EDIL3: variants seen among roughly 807,000 people sequenced by gnomAD.
The protein encoded by EDIL3 is EGF like and discoidin domains 3, also known as EGF-like repeat and discoidin I-like domain-containing protein 3.
EDIL3 carries 37 observed loss-of-function variants against 67.4 expected under a neutral mutation model. That is an observed-to-expected ratio of 0.55 (90% CI 0.42 to 0.72). The LOEUF (loss-of-function observed/expected upper bound fraction) is 0.72, where lower values mean the gene tolerates loss of function less well. Ranked by LOEUF, EDIL3 falls within the 30% of genes least tolerant of loss-of-function variation. The pLI, the probability that EDIL3 is intolerant of heterozygous loss-of-function variation, is 0.00. For synonymous variants in EDIL3, 195 were observed against 196.3 expected (o/e 0.99, Z 0.05); for missense variants, 527 against 586.3 (o/e 0.90, Z 1.04).
At chr5:84,065,672 A>G (rs1233775106) in intron 7 of EDIL3, among the ~76,000 whole-genome samples, 1 of 152,180 alleles carries the variant, frequency 6.6e-6, no homozygotes, top group Non-Finnish European at 1.5e-5. Context: ...TGAATATAAT[A>G]TTCAATACCT....
At chr5:84,028,873 G>A (rs984701325) in intron 9 of EDIL3, among the ~76,000 whole-genome samples, 4 of 152,016 alleles carry the variant, frequency 2.6e-5, no homozygotes, top group African/African-American at 4.8e-5. Flanking sequence ...GAATTCCCAC[G>A]TGTTGTGGGA....
At chr5:83,974,240 A>C (rs1744840750) in intron 9 of EDIL3, among the ~76,000 whole-genome samples, 1 of 151,768 alleles carries the variant, frequency 6.6e-6, no homozygotes, top group Non-Finnish European at 1.5e-5. Flanking sequence ...TGACCTTATC[A>C]AAGGAAGTGG....
At chr5:84,156,627 T>A (rs191843389) in intron 4 of EDIL3, among the ~76,000 whole-genome samples, 24 of 152,306 alleles carry the variant, frequency 1.6e-4, no homozygotes, top group African/African-American at 4.1e-4. Flanking sequence ...AAAGGCTAAG[T>A]TTAAATGTTG....
chr5:84,236,386 G>T (rs1199383283), intron 2 of EDIL3, among the ~76,000 whole-genome samples: 1 of 151,914 alleles, frequency 6.6e-6, no homozygotes, highest in African/African-American at 2.4e-5. Context: ...ATATAATAAG[G>T]GGACTTACAA....
At chr5:84,055,929 A>G (rs1746437641) in intron 9 of EDIL3, among the ~76,000 whole-genome samples, 1 of 152,160 alleles carries the variant, frequency 6.6e-6, no homozygotes, top group South Asian at 2.1e-4. Flanking sequence ...AGAACTACAA[A>G]TATCATTTGA....
intron 9 of EDIL3, among the ~76,000 whole-genome samples, chr5:84,035,162 A>C (rs1745999862): frequency 1.3e-5 from 2 of 151,832 alleles, no homozygotes; most frequent in South Asian, 4.1e-4. Context: ...AATTCATTGG[A>C]GTATATATAT....
chr5:84,067,211 A>G (rs182008586), intron 6 of EDIL3, among the ~76,000 whole-genome samples: 3 of 152,190 alleles, frequency 2.0e-5, no homozygotes, highest in African/African-American at 4.8e-5. Flanking sequence ...TCATTTTATT[A>G]TAAGTAAAAT....
intron 1 of EDIL3, among the ~76,000 whole-genome samples, chr5:84,316,676 C>A (rs1008378718): frequency 6.6e-6 from 1 of 152,028 alleles, no homozygotes; most frequent in Non-Finnish European, 1.5e-5. Context: ...CTTTAAGACC[C>A]CACTGTCAAT....
chr5:84,015,079 A>G (rs1190650590), intron 9 of EDIL3, among the ~76,000 whole-genome samples: 1 of 152,178 alleles, frequency 6.6e-6, no homozygotes, highest in East Asian at 1.9e-4. Context: ...ATACTCCAGG[A>G]CACTTAGATG....
intron 1 of EDIL3, among the ~76,000 whole-genome samples, chr5:84,380,819 T>C (rs1013903065): frequency 1.3e-5 from 2 of 152,084 alleles, no homozygotes; most frequent in African/African-American, 4.8e-5. Context: ...TTTAATGGTA[T>C]CGAGTGACCA....
At chr5:84,095,364 A>G (rs1747244060) in intron 6 of EDIL3, among the ~76,000 whole-genome samples, 1 of 152,158 alleles carries the variant, frequency 6.6e-6, no homozygotes, top group African/African-American at 2.4e-5. Flanking sequence ...AGACAGAAAA[A>G]CATAGGTAAG....
At chr5:84,017,969 A>G (rs1232000704) in intron 9 of EDIL3, among the ~76,000 whole-genome samples, 2 of 152,282 alleles carry the variant, frequency 1.3e-5, no homozygotes, top group Admixed American at 1.3e-4. Flanking sequence ...CACTCTCCCA[A>G]TGAAAGCTTG....
chr5:84,198,358 T>G (rs952072158), intron 3 of EDIL3, among the ~76,000 whole-genome samples: 2 of 152,000 alleles, frequency 1.3e-5, no homozygotes, highest in Non-Finnish European at 2.9e-5. Flanking sequence ...AGAGTAGGAT[T>G]TGGAAGTCTG....
chr5:84,332,094 C>T (rs1450063470), intron 1 of EDIL3, among the ~76,000 whole-genome samples: 2 of 152,132 alleles, frequency 1.3e-5, no homozygotes, highest in Non-Finnish European at 2.9e-5. Flanking sequence ...GTGGGTCAGG[C>T]ATGGTGGCTC....
intron 9 of EDIL3, among the ~76,000 whole-genome samples, chr5:83,991,447 CCAA>C (rs1745149267): frequency 1.3e-5 from 2 of 152,164 alleles, no homozygotes; most frequent in Non-Finnish European, 2.9e-5. Context: ...CAAACTTCAT[CCAA>C]CAACATGTTT....
chr5:84,015,219 T>C (rs1271421697), intron 9 of EDIL3, among the ~76,000 whole-genome samples: 3 of 152,136 alleles, frequency 2.0e-5, no homozygotes, highest in African/African-American at 7.2e-5. Context: ...AAGGACAGTA[T>C]CTAAGTTAAG....
intron 4 of EDIL3, among the ~76,000 whole-genome samples, chr5:84,151,264 TAC>T (rs201338208): frequency 0.028 from 3,628 of 128,240 alleles, 63 homozygotes; most frequent in African/African-American, 0.054. Context: ...CACACGCACA[TAC>T]ACACACACAC....
chr5:84,071,764 G>A (rs763838369), intron 6 of EDIL3, among the ~76,000 whole-genome samples: 2 of 152,136 alleles, frequency 1.3e-5, no homozygotes, highest in African/African-American at 4.8e-5. Flanking sequence ...TAATTTAAAA[G>A]TTCTGCAAGT....
intron 1 of EDIL3, among the ~76,000 whole-genome samples, chr5:84,338,118 A>G (rs922813304): frequency 2.0e-5 from 3 of 152,154 alleles, no homozygotes; most frequent in East Asian, 3.9e-4. Context: ...CTTTACTAAT[A>G]CTAATACTCT....
Sources: allele counts gnomAD v4.1 joint callset (sites outside exome capture counted in the v4.1 genomes callset), GRCh38; gene constraint gnomAD v4.1.1; transcripts MANE v1.5; gene names NCBI Gene and HGNC (gene_info 2026-07-23, HGNC 2026-07-21).